Variants in CNTN1 observed in about 807,000 individuals in gnomAD.
CNTN1 encodes contactin 1.
CNTN1 carries 38 observed loss-of-function variants against 126.4 expected under a neutral mutation model. The observed-to-expected ratio is 0.30, with a 90% CI of 0.23 to 0.39. The LOEUF is 0.39. CNTN1 is among the 10% of genes least tolerant of loss of function. CNTN1 has a pLI of 1.00. For synonymous variants in CNTN1, 413 were observed against 422.6 expected (o/e 0.98, Z 0.28); for missense variants, 1,009 against 1,248.4 (o/e 0.81, Z 2.89).
chr12:41,011,228 G>A lies in CNTN1; in HGVS notation c.2114-3000G>A, dbSNP rs181027740. ...CGGGGATTCTCAGATGGCTCCTCTG[G>A]AAGTTGCTTTTCTAGTCTTAGGGAA... On this transcript the variant is annotated intron_variant, in intron 17 of 23. Coordinates refer to ENST00000551295, the MANE Select transcript of CNTN1 (RefSeq NM_001843.4). Among the ~76,000 whole-genome samples the A allele has an allele frequency of 3.9e-5, 6 of 152,328 alleles. No individual in the cohort carries two copies. In the East Asian group the frequency reaches 9.7e-4, roughly 25 times the overall value.
At chr12:40,895,563 C>T (rs998017247) in intron 1 of CNTN1, among the ~76,000 whole-genome samples, 2 of 151,992 alleles carry the variant, frequency 1.3e-5, no homozygotes, top group African/African-American at 2.4e-5. Context: ...TCTTGTAGAG[C>T]CACCAGGCCT....
chr12:40,799,279 GTAAT>G (rs1186469729), intron 1 of CNTN1, among the ~76,000 whole-genome samples: 1 of 150,976 alleles, frequency 6.6e-6, no homozygotes, highest in Non-Finnish European at 1.5e-5. Flanking sequence ...CTATTATTGA[GTAAT>G]TATTTAATAA....
chr12:40,796,711 A>C (rs1470024365), intron 1 of CNTN1, among the ~76,000 whole-genome samples: 1 of 152,068 alleles, frequency 6.6e-6, no homozygotes, highest in Non-Finnish European at 1.5e-5. Flanking sequence ...TTCAGGAGAG[A>C]CAGAACTTAA....
At chr12:40,808,957 T>C (rs1253643476) in intron 1 of CNTN1, among the ~76,000 whole-genome samples, 1 of 152,228 alleles carries the variant, frequency 6.6e-6, no homozygotes, top group East Asian at 1.9e-4. Context: ...TTTTCAAACA[T>C]AATTATTACT....
At chr12:40,876,166 T>C (rs1592192514) in intron 1 of CNTN1, among the ~76,000 whole-genome samples, 1 of 148,458 alleles carries the variant, frequency 6.7e-6, no homozygotes, top group East Asian at 2.0e-4. Flanking sequence ...CAGAAAACAG[T>C]TTAAGGTTTT....
At chr12:40,698,568 T>C (rs921272488) in intron 1 of CNTN1, among the ~76,000 whole-genome samples, 2 of 152,242 alleles carry the variant, frequency 1.3e-5, no homozygotes, top group South Asian at 2.1e-4. Flanking sequence ...TTTTACAACA[T>C]TGTTTTCTGT....
At chr12:41,045,188 A>G (rs1178618079) in intron 23 of CNTN1, among the ~76,000 whole-genome samples, 1 of 152,084 alleles carries the variant, frequency 6.6e-6, no homozygotes, top group Non-Finnish European at 1.5e-5. Context: ...AAATCATAGG[A>G]TATTACTTTA....
intron 1 of CNTN1, among the ~76,000 whole-genome samples, chr12:40,741,157 C>T (rs1282720842): frequency 1.3e-5 from 2 of 151,962 alleles, no homozygotes; most frequent in African/African-American, 4.8e-5. Context: ...TGCATACATG[C>T]CCAAACAATT....
At chr12:41,003,127 T>A (rs1188405267) in intron 17 of CNTN1, among the ~76,000 whole-genome samples, 7 of 152,234 alleles carry the variant, frequency 4.6e-5, no homozygotes, top group Admixed American at 3.9e-4. Context: ...CTTCAATACC[T>A]AGTATATTGA....
At chr12:40,735,113 C>T (rs547432380) in intron 1 of CNTN1, among the ~76,000 whole-genome samples, 2 of 152,172 alleles carry the variant, frequency 1.3e-5, no homozygotes, top group South Asian at 4.1e-4. Flanking sequence ...ATATTTTGTT[C>T]ATTCCTTAAA....
intron 23 of CNTN1, among the ~76,000 whole-genome samples, chr12:41,062,223 C>T (rs1042826790): frequency 1.3e-5 from 2 of 152,116 alleles, no homozygotes; most frequent in Non-Finnish European, 2.9e-5. Flanking sequence ...ATTACATTAA[C>T]GTTTTCCCCA....
At chr12:40,721,962 T>G (rs958389099) in intron 1 of CNTN1, among the ~76,000 whole-genome samples, 3 of 151,052 alleles carry the variant, frequency 2.0e-5, no homozygotes, top group Non-Finnish European at 4.4e-5. Context: ...TGTTGGACAT[T>G]TGGGTTGGTT....
chr12:40,997,093 G>A (rs914132676), intron 17 of CNTN1, among the ~76,000 whole-genome samples: 1 of 152,174 alleles, frequency 6.6e-6, no homozygotes, highest in Non-Finnish European at 1.5e-5. Flanking sequence ...TCAGACACGT[G>A]CATTATAAAA....
At chr12:40,856,127 T>C (rs759411333) in intron 1 of CNTN1, among the ~76,000 whole-genome samples, 3 of 152,096 alleles carry the variant, frequency 2.0e-5, no homozygotes, top group Non-Finnish European at 4.4e-5. Context: ...CCTGCACTTG[T>C]GTCTGAAGAT....
chr12:41,033,754 C>T (rs929160869), intron 23 of CNTN1, among the ~76,000 whole-genome samples: 8 of 151,808 alleles, frequency 5.3e-5, no homozygotes, highest in African/African-American at 9.7e-5. Context: ...TAATGATGTC[C>T]TGGGCCGGGT....
At chr12:40,776,944 G>T (rs536813331) in intron 1 of CNTN1, among the ~76,000 whole-genome samples, 6 of 151,512 alleles carry the variant, frequency 4.0e-5, no homozygotes, top group African/African-American at 1.4e-4. Context: ...TGTTTATCTT[G>T]TATATCCCAC....
At chr12:40,741,193 TA>T (rs1477671242) in intron 1 of CNTN1, among the ~76,000 whole-genome samples, 1 of 152,082 alleles carries the variant, frequency 6.6e-6, no homozygotes, top group African/African-American at 2.4e-5. Context: ...CAAAAAACAA[TA>T]AACTTCCTGG....
intron 1 of CNTN1, among the ~76,000 whole-genome samples, chr12:40,697,253 T>C (rs1941472846): frequency 6.6e-6 from 1 of 152,258 alleles, no homozygotes; most frequent in African/African-American, 2.4e-5. Context: ...AGTTTGGCCA[T>C]ACTCTCATTA....
intron 1 of CNTN1, among the ~76,000 whole-genome samples, chr12:40,848,930 C>G (rs1458924875): frequency 6.7e-6 from 1 of 149,524 alleles, no homozygotes; most frequent in African/African-American, 2.5e-5. Flanking sequence ...TAATCAAATA[C>G]AGTATAAGAA....
Sources: allele counts gnomAD v4.1 joint callset (sites outside exome capture counted in the v4.1 genomes callset), GRCh38; gene constraint gnomAD v4.1.1; transcripts MANE v1.5; gene names NCBI Gene and HGNC (gene_info 2026-07-23, HGNC 2026-07-21).